Variants in CD58 observed in about 807,000 individuals in gnomAD.
CD58 encodes CD58 molecule, also known as lymphocyte function-associated antigen 3.
CD58 carries 14 observed loss-of-function variants against 27.6 expected under a neutral mutation model. That is an observed-to-expected ratio of 0.51 (90% CI 0.34 to 0.79). The LOEUF is 0.79. CD58 is among the 30% of genes least tolerant of loss of function. The probability of loss-of-function intolerance (pLI) is 0.02; values close to 1 mark genes in which losing one functional copy is unlikely to be tolerated. For missense variants in CD58, 268 were observed against 301.7 expected (o/e 0.89, Z 0.83); for synonymous variants, 117 against 103.8 (o/e 1.13, Z -0.77).
At chr1:116,553,544 C>T (rs547764064) in intron 1 of CD58, among the ~76,000 whole-genome samples, 2 of 152,120 alleles carry the variant, frequency 1.3e-5, no homozygotes, top group African/African-American at 2.4e-5. Flanking sequence ...ACAGCTCTTA[C>T]TTCCTCCTAG....
In CD58 at chr1:116,552,543, G is replaced by A. The variant is rs1658427619; in HGVS notation, c.71-7939C>T. On this transcript the variant is annotated intron_variant, in intron 1 of 5. Transcript: ENST00000369489. The surrounding 1 kb of genome is among the most constrained non-coding windows in gnomAD (Gnocchi z 4.5). ...GCAATAAAGTGAAATGCAATAAAAG[G>A]AGGTGTGCCTGAGGGATTTACCATT... 6.6e-6 allele frequency among the ~76,000 whole-genome samples: 1 copy of A among 152,156 alleles called. No individual in the cohort carries two copies. The highest frequency in any genetic ancestry group is 6.5e-5 in the Admixed American group (1 of 15,278).
chr1:116,519,806 C>T lies in CD58; in HGVS notation c.707-539G>A, dbSNP rs963969310. Among the ~76,000 whole-genome samples the T allele has an allele frequency of 5.9e-5, 9 of 152,284 alleles. No homozygotes were observed. In the South Asian group the frequency reaches 1.9e-3, roughly 32 times the overall value. On this transcript the variant is annotated intron_variant, in intron 4 of 5. Transcript: ENST00000369489. The surrounding 1 kb of genome is among the most constrained non-coding windows in gnomAD (Gnocchi z 4.7). ...CACTCACAGCACATGATAATTTGGACTCCCACATTTCAAGTGCTCCATAGC... is the reference window on the plus strand; with the variant it reads ...CACTCACAGCACATGATAATTTGGATTCCCACATTTCAAGTGCTCCATAGC...
rs1157936605 is a variant in CD58, at chr1:116,528,268, G to A, written c.629-6285C>T. Among the ~76,000 whole-genome samples, 3 of 152,030 alleles carry A rather than the reference G, an allele frequency of 2.0e-5. No individual in the cohort carries two copies. Among genetic ancestry groups the A allele is most frequent in the African/African-American group, 7.2e-5 (3 of 41,400 alleles). Reference sequence around the variant, plus strand: ...CAGTCTACATAATATTATTTCCTATGTTGCATTTCTTTCCTTCTTCTCCTT... The same window carrying A: ...CAGTCTACATAATATTATTTCCTATATTGCATTTCTTTCCTTCTTCTCCTT... On this transcript the variant is annotated intron_variant, in intron 3 of 5. Coordinates refer to ENST00000369489, the MANE Select transcript of CD58 (RefSeq NM_001779.3). This position sits in a 1 kb window ranked among gnomAD's most constrained non-coding sequence, Gnocchi z 4.4.
At chr1:116,562,301 A>C (rs914323807) in intron 1 of CD58, among the ~76,000 whole-genome samples, 1 of 152,086 alleles carries the variant, frequency 6.6e-6, no homozygotes, top group East Asian at 1.9e-4. Context: ...AATAAGACAG[A>C]CTCTGTTAAT....
chr1:116,532,461 T>C lies in CD58; in HGVS notation c.628+3504A>G, dbSNP rs1657645099. 6.6e-6 allele frequency among the ~76,000 whole-genome samples: 1 copy of C among 152,238 alleles called. No individual in the cohort carries two copies. The highest frequency in any genetic ancestry group is 6.5e-5 in the Admixed American group (1 of 15,292). On this transcript the variant is annotated intron_variant, in intron 3 of 5. Coordinates refer to ENST00000369489, the MANE Select transcript of CD58 (RefSeq NM_001779.3). The surrounding 1 kb of genome is among the most constrained non-coding windows in gnomAD (Gnocchi z 5.1). ...TTAGCATACAGCAGGTGATGCAGGC[T>C]GCACACTCAGCAGATTAAGCAGCTG...
chr1:116,535,840 CAAAAAA>C (rs35445069), intron 3 of CD58, 119 bp downstream of exon 3: 182 of 152,786 alleles, frequency 1.2e-3, no homozygotes, highest in East Asian at 2.4e-3. Context: ...GACTCTGTCT[CAAAAAA>C]AAAAAAAAAA....
At chr1:116,535,216 T>G (rs901684972) in intron 3 of CD58, among the ~76,000 whole-genome samples, 1 of 152,232 alleles carries the variant, frequency 6.6e-6, no homozygotes, top group East Asian at 1.9e-4. Flanking sequence ...GTTCCTGTAG[T>G]AGATATGTAA....
At chr1:116,535,397 A>G (rs913375243) in intron 3 of CD58, among the ~76,000 whole-genome samples, 3 of 152,232 alleles carry the variant, frequency 2.0e-5, no homozygotes, top group African/African-American at 7.2e-5. Context: ...TCTCACCAGG[A>G]AACAGGGATA....
intron 1 of CD58, among the ~76,000 whole-genome samples, chr1:116,560,990 G>C (rs1362888973): frequency 6.6e-6 from 1 of 152,102 alleles, no homozygotes; most frequent in Non-Finnish European, 1.5e-5. Context: ...CTCAAGTAAA[G>C]CTTCAAAAAA....
intron 2 of CD58, among the ~76,000 whole-genome samples, chr1:116,542,621 T>C (rs931219876): frequency 2.0e-5 from 3 of 152,162 alleles, no homozygotes; most frequent in African/African-American, 7.2e-5. Context: ...TGACAGTATA[T>C]ATGTATGCCA....
chr1:116,547,042 G>A (rs1042985812), intron 1 of CD58, among the ~76,000 whole-genome samples: 1 of 150,604 alleles, frequency 6.6e-6, no homozygotes, highest in African/African-American at 2.4e-5. Flanking sequence ...TGGGGGAACA[G>A]GTGATGTTTG....
chr1:116,531,846 G>A lies in CD58; in HGVS notation c.628+4119C>T, dbSNP rs997935836. Among the ~76,000 whole-genome samples the A allele has an allele frequency of 7.2e-5, 11 of 152,136 alleles. No homozygotes were observed. On this transcript the variant is annotated intron_variant, in intron 3 of 5. Coordinates refer to ENST00000369489, the MANE Select transcript of CD58 (RefSeq NM_001779.3). The surrounding 1 kb of genome is among the most constrained non-coding windows in gnomAD (Gnocchi z 4.5). ...AGTTATAAATGTGTTCTAAGGTTAG[G>A]CTGAGCACTCTCTACAGGCCTGGTC...
chr1:116,556,074 G>A (rs1186208302), intron 1 of CD58, among the ~76,000 whole-genome samples: 4 of 151,872 alleles, frequency 2.6e-5, no homozygotes, highest in Non-Finnish European at 5.9e-5. Context: ...TGGCCAACAT[G>A]GTGAAACCCC....
chr1:116,525,175 T>C (rs760678788), intron 3 of CD58, among the ~76,000 whole-genome samples: 5 of 152,250 alleles, frequency 3.3e-5, no homozygotes, highest in Non-Finnish European at 7.3e-5. Context: ...GTATTTTCAC[T>C]GCCCCCAAAC....
At chr1:116,518,044 A>G (rs1657141249) in intron 5 of CD58, among the ~76,000 whole-genome samples, 1 of 152,226 alleles carries the variant, frequency 6.6e-6, no homozygotes, top group Admixed American at 6.5e-5. Context: ...TTGTACTTAT[A>G]TTAATATATT....
At chr1:116,518,973 C>T in intron 5 of CD58, 7 of 1,020,644 alleles carry the variant, frequency 6.9e-6, no homozygotes, top group Non-Finnish European at 9.4e-6. Flanking sequence ...TGCGCTGTCT[C>T]TAAGCAAGGG....
Position 116,570,816 on chromosome 1 carries a change from C to G in CD58, c.70+87G>C, listed in dbSNP as rs1225911590. The G allele has an allele frequency of 8.5e-6, 9 of 1,063,362 alleles. No individual in the cohort carries two copies. Among genetic ancestry groups the G allele is most frequent in the African/African-American group, 8.2e-5 (5 of 60,708 alleles). 65.9% of individuals were successfully genotyped at this position (1,063,362 alleles called of 1,614,324 possible). A position where few individuals can be genotyped will look rare whatever the true frequency, so the allele number is the denominator to read the frequency against. On this transcript the variant is annotated intron_variant, in intron 1 of 5. Transcript: ENST00000369489. This position sits in a 1 kb window ranked among gnomAD's most constrained non-coding sequence, Gnocchi z 6.4. ...TCCCCACCCGTCTCTGATCGGCAAC[C>G]GCCTCGAGCCCGGCGCGTCCACCCA...
Position 116,519,298 on chromosome 1 carries a change from A to C in CD58, c.707-31T>G. On this transcript the variant is annotated intron_variant, in intron 4 of 5. Transcript: ENST00000369489. This position sits in a 1 kb window ranked among gnomAD's most constrained non-coding sequence, Gnocchi z 4.7. ...AATGAAGAAATTGTCTTCTCAATTA[A>C]AGAACTGAAAAGAAAAGGTGAAATG... 6.3e-7 allele frequency: 1 copy of C among 1,592,732 alleles called. No homozygotes were observed. Among genetic ancestry groups the C allele is most frequent in the South Asian group, 1.1e-5 (1 of 89,314 alleles).
intron 2 of CD58, among the ~76,000 whole-genome samples, chr1:116,542,081 C>T (rs1274509276): frequency 4.6e-5 from 7 of 152,184 alleles, no homozygotes; most frequent in South Asian, 2.1e-4. Flanking sequence ...GAGTTCAAGA[C>T]CAGCCTGACC....
Sources: allele counts gnomAD v4.1 joint callset (sites outside exome capture counted in the v4.1 genomes callset), GRCh38; gene constraint gnomAD v4.1.1; non-coding constraint Gnocchi (gnomAD v3.1); transcripts MANE v1.5; gene names NCBI Gene and HGNC (gene_info 2026-07-23, HGNC 2026-07-21).